MASP1: variants seen among roughly 807,000 people sequenced by gnomAD.
MASP1 encodes MBL associated serine protease 1, also known as mannan-binding lectin serine protease 1.
A neutral mutation model predicts 77.1 loss-of-function variants in MASP1; 59 were observed. The observed-to-expected ratio is 0.77, with a 90% CI of 0.62 to 0.95. The LOEUF is 0.95. Among genes scored for constraint, MASP1 ranks in the 40% least tolerant of loss-of-function variants. The pLI is 0.00. For missense variants in MASP1, 885 were observed against 912.9 expected (o/e 0.97, Z 0.39); for synonymous variants, 362 against 354.5 (o/e 1.02, Z -0.24).
chr3:187,219,723 G>A, exon 16 of MASP1: 1 of 367,160 alleles, frequency 2.7e-6, no homozygotes, highest in Non-Finnish European at 5.3e-6. Context: ...TAAGTGCTAT[G>A]CATCTATTAG....
chr3:187,260,878 G>C lies in MASP1; in HGVS notation c.416-6C>G. ...CTCCTTGCACTCGTCCACATCTGTAGGGCAGGTAAAGCCTCTCCATCAATA... is the reference window on the plus strand; with the variant it reads ...CTCCTTGCACTCGTCCACATCTGTACGGCAGGTAAAGCCTCTCCATCAATA... On this transcript the variant is annotated splice_polypyrimidine_tract_variant and splice_region_variant and intron_variant, in intron 3 of 10. Transcript: ENST00000296280. 6.2e-7 allele frequency: 1 copy of C among 1,614,054 alleles called. No homozygotes were observed. Among genetic ancestry groups the C allele is most frequent in the Non-Finnish European group, 8.5e-7 (1 of 1,179,950 alleles).
intron 2 of MASP1, among the ~76,000 whole-genome samples, chr3:187,279,110 G>A (rs560961991): frequency 6.6e-6 from 1 of 152,326 alleles, no homozygotes; most frequent in African/African-American, 2.4e-5. Flanking sequence ...CACTTTGCGT[G>A]TTAAATACAG....
At chr3:187,217,789 C>T (rs1711848206) in exon 16 of MASP1, 1 of 152,188 alleles carries the variant, frequency 6.6e-6, no homozygotes, top group Admixed American at 6.5e-5. Flanking sequence ...CCTATTTAGA[C>T]ATTTTCTCAG....
chr3:187,261,140 C>G (rs182050368), intron 3 of MASP1, among the ~76,000 whole-genome samples: 2 of 152,296 alleles, frequency 1.3e-5, no homozygotes, highest in Non-Finnish European at 2.9e-5. Context: ...GACCACTATC[C>G]TCTAACAGTT....
chr3:187,245,487 T>C (rs1280831973), intron 8 of MASP1, among the ~76,000 whole-genome samples: 1 of 152,136 alleles, frequency 6.6e-6, no homozygotes, highest in Non-Finnish European at 1.5e-5. Context: ...TGCCCACTGA[T>C]ACAGCTGGCC....
At chr3:187,268,549 T>TAAAA (rs1553781392) in intron 2 of MASP1, among the ~76,000 whole-genome samples, 1 of 137,348 alleles carries the variant, frequency 7.3e-6, no homozygotes, top group Non-Finnish European at 1.5e-5. Context: ...GAAAAGAAAA[T>TAAAA]AGAAAAGAAA....
chr3:187,236,364 G>A lies in MASP1; in HGVS notation c.1507C>T (p.Arg503Cys), dbSNP rs201025468. Reference protein sequence around the residue: ...LTAAHVLRSQRRDTTVIPVSK... With the variant: ...LTAAHVLRSQCRDTTVIPVSK... ...ACTGGTATCACCGTGGTGTCTCTAC[G>A]CTGGGAGCGCAGCACATGAGCTGCT... Residue 503 changes from arginine to cysteine, a missense_variant, in exon 11 of 11, where the codon CGT becomes TGT. Physicochemically the swap from Arg to Cys is radical, Grantham distance 180 (BLOSUM62 -3). Transcript: ENST00000296280. 3.1e-4 allele frequency: 495 copies of A among 1,614,224 alleles called. 1 individual carries two copies. Among genetic ancestry groups the A allele is most frequent in the Middle Eastern group, 1.2e-3 (7 of 6,062 alleles).
downstream of MASP1, chr3:187,229,648 C>T (rs117824974): frequency 1.4e-4 from 191 of 1,395,512 alleles, 1 homozygote; most frequent in East Asian, 3.9e-3. Flanking sequence ...CCGCACTGTG[C>T]TTCTGTGCCC....
At chr3:187,232,876 A>G (rs144744291), downstream of MASP1, among the ~76,000 whole-genome samples, 184 of 152,366 alleles carry the variant, frequency 1.2e-3, 3 homozygotes, top group East Asian at 0.017. Context: ...CATTCTCAAT[A>G]GTGTAAAAAG....
chr3:187,235,077 T>G lies in MASP1; in HGVS notation c.*607A>C. 7.8e-7 allele frequency: 1 copy of G among 1,287,260 alleles called. No homozygotes were observed. Among genetic ancestry groups the G allele is most frequent in the African/African-American group, 1.5e-5 (1 of 65,918 alleles). The allele number at this position is 1,287,260 out of a possible 1,614,324, so 79.7% of individuals were successfully genotyped here. ...GGAACATAAGGGATAAGGCTTAGAC[T>G]GCAAGAAGCTTTTGGGAGAGAAACC... On this transcript the variant is annotated 3_prime_UTR_variant, in exon 11 of 11. Coordinates refer to ENST00000296280, the MANE Select transcript of MASP1 (RefSeq NM_139125.4).
chr3:187,283,676 G>A (rs1049878079), intron 2 of MASP1, among the ~76,000 whole-genome samples: 1 of 152,160 alleles, frequency 6.6e-6, no homozygotes, highest in Non-Finnish European at 1.5e-5. Flanking sequence ...TTTCTAGATG[G>A]TTAGCATGTT....
rs374214793 is a variant in MASP1 at position 187,235,667 on chromosome 3, C to G, written c.*17G>C. The G allele has an allele frequency of 1.8e-5, 29 of 1,613,714 alleles. No individual in the cohort carries two copies. Among genetic ancestry groups the G allele is most frequent in the Admixed American group, 5.0e-5 (3 of 60,022 alleles). Reference sequence around the variant, plus strand: ...AGCTTCGCTCAGGGGAGGCAGGCCCCGAGGAAGTAAGTCAGCTCACCGTTC... The same window carrying G: ...AGCTTCGCTCAGGGGAGGCAGGCCCGGAGGAAGTAAGTCAGCTCACCGTTC... On this transcript the variant is annotated 3_prime_UTR_variant, in exon 11 of 11. Coordinates refer to ENST00000296280, the MANE Select transcript of MASP1 (RefSeq NM_139125.4).
intron 9 of MASP1, chr3:187,242,927 C>T: frequency 5.6e-6 from 1 of 179,542 alleles, no homozygotes; most frequent in African/African-American, 2.4e-5. Context: ...AGAGGATCCA[C>T]TCCTCGCTCC....
chr3:187,284,215 T>C (rs77882584), intron 2 of MASP1, among the ~76,000 whole-genome samples: 2,646 of 152,286 alleles, frequency 0.017, 93 homozygotes, highest in African/African-American at 0.061. Flanking sequence ...ATCTTTCTTT[T>C]TAAGGGACCA....
chr3:187,267,758 G>A (rs1021190100), intron 2 of MASP1, among the ~76,000 whole-genome samples: 7 of 152,166 alleles, frequency 4.6e-5, no homozygotes, highest in Non-Finnish European at 8.8e-5. Flanking sequence ...GTTGCACTTT[G>A]GCCCCTTAGG....
intron 2 of MASP1, among the ~76,000 whole-genome samples, chr3:187,269,673 C>T (rs927961636): frequency 1.3e-5 from 2 of 152,144 alleles, no homozygotes; most frequent in Admixed American, 6.6e-5. Context: ...GCAACATGTG[C>T]CTGGCTAAAT....
chr3:187,232,094 T>G (rs909214818), downstream of MASP1, among the ~76,000 whole-genome samples: 4 of 152,156 alleles, frequency 2.6e-5, no homozygotes, highest in Admixed American at 2.6e-4. Context: ...GATTCCTCTC[T>G]TAGGGAACTT....
intron 1 of MASP1, among the ~76,000 whole-genome samples, chr3:187,288,587 C>T (rs528425176): frequency 6.6e-6 from 1 of 152,322 alleles, no homozygotes; most frequent in African/African-American, 2.4e-5. Context: ...ACTGTCCAGC[C>T]CTAGCCAAAC....
At chr3:187,289,872 C>T (rs1446129450) in intron 1 of MASP1, among the ~76,000 whole-genome samples, 3 of 152,220 alleles carry the variant, frequency 2.0e-5, no homozygotes, top group Non-Finnish European at 4.4e-5. Flanking sequence ...TAAATCCTTA[C>T]TTCATCCAGA....
Sources: gnomAD v4.1 joint callset for allele counts (sites outside exome capture counted in the v4.1 genomes callset) on GRCh38, gnomAD v4.1.1 for gene constraint, MANE v1.5 for transcripts, NCBI Gene and HGNC (gene_info 2026-07-23, HGNC 2026-07-21) for gene names.